The following DLG2 variants were observed in gnomAD, a reference collection of about 807,000 sequenced individuals.
The protein encoded by DLG2 is discs large MAGUK scaffold protein 2, also known as disks large homolog 2.
Under a neutral mutation model 132.5 loss-of-function variants are expected in DLG2, and 45 were observed. That is an observed-to-expected ratio of 0.34 (90% CI 0.27 to 0.44). DLG2 has a LOEUF of 0.44. Ranked by LOEUF, DLG2 falls within the 20% of genes least tolerant of loss-of-function variation. DLG2 has a pLI of 1.00. For synonymous variants in DLG2, 424 were observed against 419.6 expected (o/e 1.01, Z -0.13); for missense variants, 1,045 against 1,196.9 (o/e 0.87, Z 1.87).
In DLG2 at chr11:84,360,088, G is replaced by A. The variant is rs527768357; in HGVS notation, c.520-108797C>T. On this transcript the variant is annotated intron_variant, in intron 7 of 27. Coordinates refer to ENST00000376104, the MANE Select transcript of DLG2 (RefSeq NM_001142699.3). ...AACTATTAATGGGATGCAATCAATC[G>A]TGCAGGTGAACAGGTATCTTTTCAA... Among the ~76,000 whole-genome samples, 22 of 151,888 alleles carry A rather than the reference G, an allele frequency of 1.4e-4. No homozygotes were observed. In the East Asian group the frequency reaches 1.9e-3, roughly 13 times the overall value.
intron 3 of DLG2, among the ~76,000 whole-genome samples, chr11:85,362,443 G>A (rs571840611): frequency 6.6e-6 from 1 of 152,126 alleles, no homozygotes; most frequent in Admixed American, 6.5e-5. Context: ...GAATGCTACT[G>A]ATTTTTTTAT....
At chr11:83,639,027 T>C (rs79832522) in intron 18 of DLG2, among the ~76,000 whole-genome samples, 154 of 152,312 alleles carry the variant, frequency 1.0e-3, no homozygotes, top group African/African-American at 3.6e-3. Context: ...AGGCATTGCC[T>C]CCTGTGAGAA....
chr11:85,520,053 T>A (rs764066011), intron 3 of DLG2, among the ~76,000 whole-genome samples: 74 of 152,008 alleles, frequency 4.9e-4, no homozygotes, highest in Non-Finnish European at 5.2e-4. Context: ...TTTTTTTTTT[T>A]TATATTTGGT....
At position 85,445,432 on chromosome 11, in the gene DLG2, C is replaced by G. The variant is rs557026561; in HGVS notation, c.40+153225G>C. Among the ~76,000 whole-genome samples the G allele has an allele frequency of 2.8e-4, 43 of 152,296 alleles. No homozygotes were observed. In the South Asian group the frequency reaches 4.8e-3, roughly 17 times the overall value. ...GTGGCTCATGCCTGTAATCCCAGCA[C>G]TTTGGGTGGCCAAGGTGGGTGGATC... On this transcript the variant is annotated intron_variant, in intron 3 of 27. Transcript: ENST00000376104.
intron 10 of DLG2, among the ~76,000 whole-genome samples, chr11:84,094,700 A>G (rs562463887): frequency 6.7e-4 from 102 of 152,294 alleles, no homozygotes; most frequent in African/African-American, 2.3e-3. Context: ...TTACAGAGAC[A>G]TGCAGGAGTA....
At chr11:83,619,345 G>C (rs1375424628) in intron 19 of DLG2, among the ~76,000 whole-genome samples, 1 of 152,126 alleles carries the variant, frequency 6.6e-6, no homozygotes, top group Non-Finnish European at 1.5e-5. Flanking sequence ...GTACCTACAG[G>C]AATGAGAGAG....
At chr11:84,959,466 G>C (rs1349791601) in intron 6 of DLG2, among the ~76,000 whole-genome samples, 2 of 152,122 alleles carry the variant, frequency 1.3e-5, no homozygotes, top group East Asian at 3.8e-4. Context: ...ACCTTCTAGA[G>C]TATTTACACT....
chr11:83,724,480 A>T (rs548073216), intron 18 of DLG2, among the ~76,000 whole-genome samples: 46,399 of 115,350 alleles, frequency 0.4, 8,234 homozygotes, highest in African/African-American at 0.56. Context: ...TGTGTGTGAG[A>T]GAGAGAGAGA....
At chr11:83,967,856 T>G (rs1372264418) in intron 12 of DLG2, among the ~76,000 whole-genome samples, 5 of 152,188 alleles carry the variant, frequency 3.3e-5, no homozygotes, top group African/African-American at 4.8e-5. Flanking sequence ...GTTTTAGGTT[T>G]TACGTTTAGG....
At chr11:85,494,211 A>G (rs1431071115) in intron 3 of DLG2, among the ~76,000 whole-genome samples, 2 of 152,170 alleles carry the variant, frequency 1.3e-5, no homozygotes, top group African/African-American at 4.8e-5. Context: ...CATCACTTGA[A>G]CCACAGCAAA....
chr11:85,446,663 T>C (rs187114364), intron 3 of DLG2, among the ~76,000 whole-genome samples: 4 of 152,110 alleles, frequency 2.6e-5, no homozygotes, highest in African/African-American at 9.7e-5. Flanking sequence ...ACTAAAATTA[T>C]GTAGCGTGAA....
chr11:85,352,331 C>T (rs909755899), intron 3 of DLG2, among the ~76,000 whole-genome samples: 4 of 151,792 alleles, frequency 2.6e-5, no homozygotes, highest in African/African-American at 9.7e-5. Context: ...TAGTGGTCTA[C>T]CTATTTTGTT....
intron 18 of DLG2, among the ~76,000 whole-genome samples, chr11:83,652,560 C>T (rs949167304): frequency 3.9e-5 from 6 of 152,018 alleles, no homozygotes; most frequent in Admixed American, 1.3e-4. Flanking sequence ...TTAGTAGAGA[C>T]GGGGTTTCAC....
chr11:85,465,931 A>G (rs1159624140), intron 3 of DLG2, among the ~76,000 whole-genome samples: 1 of 152,000 alleles, frequency 6.6e-6, no homozygotes, highest in Non-Finnish European at 1.5e-5. Context: ...AACAGTGTAA[A>G]AGTGTTCCCA....
chr11:85,483,892 CAAA>C (rs5793164), intron 3 of DLG2, among the ~76,000 whole-genome samples: 24 of 85,200 alleles, frequency 2.8e-4, no homozygotes, highest in Non-Finnish European at 2.5e-4. Context: ...TGCAGTGAGC[CAAA>C]AAAAAAAAAA....
At chr11:85,034,259 T>C (rs1392160373) in intron 6 of DLG2, among the ~76,000 whole-genome samples, 1 of 152,034 alleles carries the variant, frequency 6.6e-6, no homozygotes, top group Non-Finnish European at 1.5e-5. Flanking sequence ...TTTGTATTTT[T>C]AGTAGAGACG....
chr11:84,446,062 AT>A (rs950508028), intron 7 of DLG2, among the ~76,000 whole-genome samples: 13 of 150,242 alleles, frequency 8.7e-5, no homozygotes, highest in Non-Finnish European at 1.6e-4. Flanking sequence ...TAGAGCTCAT[AT>A]TTTTTTCTCC....
chr11:85,239,629 G>C (rs985113454), intron 4 of DLG2, among the ~76,000 whole-genome samples: 1 of 151,880 alleles, frequency 6.6e-6, no homozygotes, highest in East Asian at 1.9e-4. Flanking sequence ...TAAATATAGT[G>C]GTTTTGACTT....
intron 11 of DLG2, among the ~76,000 whole-genome samples, chr11:84,000,653 C>T (rs372954489): frequency 6.6e-6 from 1 of 151,968 alleles, no homozygotes; most frequent in East Asian, 1.9e-4. Context: ...CTCCACTAGA[C>T]TAAAATTGGT....
Sources: allele counts gnomAD v4.1 joint callset (sites outside exome capture counted in the v4.1 genomes callset), GRCh38; gene constraint gnomAD v4.1.1; transcripts MANE v1.5; gene names NCBI Gene and HGNC (gene_info 2026-07-23, HGNC 2026-07-21).